PCDHGA11: variants seen among roughly 807,000 people sequenced by gnomAD.
PCDHGA11 encodes protocadherin gamma-A11.
PCDHGA11 carries 39 observed loss-of-function variants against 60.4 expected under a neutral mutation model. The ratio of observed to expected loss-of-function variants is 0.65; its 90% CI spans 0.50 to 0.84. The LOEUF (loss-of-function observed/expected upper bound fraction) is 0.84, where lower values mean the gene tolerates loss of function less well. Ranked by LOEUF, PCDHGA11 falls within the 40% of genes least tolerant of loss-of-function variation. PCDHGA11 has a pLI of 0.00. For missense variants in PCDHGA11, 1,165 were observed against 1,197.7 expected (o/e 0.97, Z 0.40); for synonymous variants, 533 against 510.3 (o/e 1.04, Z -0.60).
rs757410882 is a variant in PCDHGA11 at position 141,421,504 on chromosome 5, C to G, written c.277C>G (p.Arg93Gly). 6.2e-7 allele frequency: 1 copy of G among 1,614,062 alleles called. No homozygotes were observed. The highest frequency in any genetic ancestry group is 1.1e-5 in the South Asian group (1 of 91,088). Residue 93 changes from arginine (R) to glycine (G), a missense_variant, in exon 1 of 4, where the codon CGG becomes GGG. Transcript: ENST00000398587. ...GSLITAGRIDREELCETVSSC... is the reference protein window; with the variant it reads ...GSLITAGRIDGEELCETVSSC... ...CTTGATCACGGCAGGCAGGATAGAC[C>G]GGGAGGAGCTCTGTGAGACGGTGTC...
intron 2 of PCDHGA11, among the ~76,000 whole-genome samples, chr5:141,495,662 C>G (rs545912968): frequency 6.6e-6 from 1 of 152,138 alleles, no homozygotes; most frequent in Admixed American, 6.6e-5. Flanking sequence ...TGATCTGTGC[C>G]GCCCACTGTG....
chr5:141,476,233 G>A lies in PCDHGA11; in HGVS notation c.2434-18574G>A, dbSNP rs1162067190. ...CGGTCATTCACTATGAGATCCCGGA[G>A]GAAAGAGAGAAGGGTTTCGCTGTGG... On this transcript the variant is annotated intron_variant, in intron 1 of 3. Coordinates refer to ENST00000398587, the MANE Select transcript of PCDHGA11 (RefSeq NM_018914.3). The surrounding 1 kb of genome is among the most constrained non-coding windows in gnomAD (Gnocchi z 7.6). The A allele has an allele frequency of 3.1e-6, 5 of 1,613,996 alleles. No homozygotes were observed. Among genetic ancestry groups the A allele is most frequent in the African/African-American group, 2.7e-5 (2 of 74,894 alleles).
At chr5:141,429,387 T>TTA (rs775632416) in intron 1 of PCDHGA11, among the ~76,000 whole-genome samples, 40 of 151,448 alleles carry the variant, frequency 2.6e-4, no homozygotes, top group African/African-American at 7.0e-4. Context: ...GTTTTTTTTT[T>TTA]AAAAAAAATT....
In PCDHGA11 at chr5:141,489,993, C is replaced by T. The variant is rs1413894892; in HGVS notation, c.2434-4814C>T. 18 of 1,614,186 alleles carry T rather than the reference C, an allele frequency of 1.1e-5. No individual in the cohort carries two copies. The highest frequency in any genetic ancestry group is 1.5e-5 in the Non-Finnish European group (18 of 1,179,990). On this transcript the variant is annotated intron_variant, in intron 1 of 3. Transcript: ENST00000398587. The surrounding 1 kb of genome is among the most constrained non-coding windows in gnomAD (Gnocchi z 4.5). ...AATCCTCAGTTCTACGTGTGGGAAT[C>T]CCAGAGAATGCACCCATTGGTACTC...
At position 141,476,499 on chromosome 5, in the gene PCDHGA11, T is replaced by A. The variant is rs763373223; in HGVS notation, c.2434-18308T>A. On this transcript the variant is annotated intron_variant, in intron 1 of 3. Coordinates refer to ENST00000398587, the MANE Select transcript of PCDHGA11 (RefSeq NM_018914.3). This position sits in a 1 kb window ranked among gnomAD's most constrained non-coding sequence, Gnocchi z 7.6. Reference sequence around the variant, plus strand: ...AGCGTGGAAGTGGTGATCCAGGACATCAACGACAACAATCCTGCTTTCCCT... The same window carrying A: ...AGCGTGGAAGTGGTGATCCAGGACAACAACGACAACAATCCTGCTTTCCCT... 3.1e-6 allele frequency: 5 copies of A among 1,613,992 alleles called. No individual in the cohort carries two copies. The South Asian group carries it at 5.5e-5, about 18-fold the overall frequency.
At position 141,431,245 on chromosome 5, in the gene PCDHGA11, C is replaced by T; in HGVS notation, c.2433+7585C>T. The T allele has an allele frequency of 1.2e-6, 2 of 1,614,134 alleles. No individual in the cohort carries two copies. The highest frequency in any genetic ancestry group is 1.7e-6 in the Non-Finnish European group (2 of 1,180,038). ...TACCCCACGCCTGGGATCCGGATATCGGGAAGAACTCTCTGCAGAGCTACG... is the reference window on the plus strand; with the variant it reads ...TACCCCACGCCTGGGATCCGGATATTGGGAAGAACTCTCTGCAGAGCTACG... On this transcript the variant is annotated intron_variant, in intron 1 of 3. Transcript: ENST00000398587. This position sits in a 1 kb window ranked among gnomAD's most constrained non-coding sequence, Gnocchi z 4.8.
At chr5:141,499,127 A>G (rs1198571084) in intron 2 of PCDHGA11, among the ~76,000 whole-genome samples, 1 of 152,134 alleles carries the variant, frequency 6.6e-6, no homozygotes, top group Non-Finnish European at 1.5e-5. Flanking sequence ...TTCTCAGGTC[A>G]TCCTTTGGGT....
intron 1 of PCDHGA11, among the ~76,000 whole-genome samples, chr5:141,443,654 G>A (rs2098397947): frequency 6.6e-6 from 1 of 152,150 alleles, no homozygotes; most frequent in Non-Finnish European, 1.5e-5. Context: ...TGTTAGCATA[G>A]CATTTTACTG....
intron 2 of PCDHGA11, among the ~76,000 whole-genome samples, chr5:141,495,703 GGAGT>G (rs2099763108): frequency 6.6e-6 from 1 of 152,098 alleles, no homozygotes; most frequent in South Asian, 2.1e-4. Context: ...CAATAAATGT[GGAGT>G]GAGTAACTAC....
In PCDHGA11 at chr5:141,490,963, G is replaced by GC; in HGVS notation, c.2434-3838dup. 6.2e-7 allele frequency: 1 copy of GC among 1,613,760 alleles called. No individual in the cohort carries two copies. On this transcript the variant is annotated intron_variant, in intron 1 of 3. Transcript: ENST00000398587. This position sits in a 1 kb window ranked among gnomAD's most constrained non-coding sequence, Gnocchi z 5.4. ...CCCACGGCCAGACTGGGAACACTCA[G>GC]CCCCCCAGCGTCTCCCTCGCTCTGC...
intron 1 of PCDHGA11, chr5:141,427,102 C>T (rs1363595185): frequency 6.6e-6 from 3 of 457,858 alleles, no homozygotes; most frequent in South Asian, 3.1e-5. Flanking sequence ...GGTGTCAATG[C>T]GGAGATCACC....
chr5:141,458,633 A>C (rs548586597), intron 1 of PCDHGA11, among the ~76,000 whole-genome samples: 12 of 151,884 alleles, frequency 7.9e-5, no homozygotes, highest in Non-Finnish European at 1.5e-4. Flanking sequence ...GCAGTGGCAC[A>C]ATCCCAGCTC....
At chr5:141,427,006 G>C (rs1288837425) in intron 1 of PCDHGA11, 3 of 456,792 alleles carry the variant, frequency 6.6e-6, no homozygotes, top group South Asian at 3.1e-5. Flanking sequence ...CCAGTTTTTA[G>C]CCAGGATGTA....
intron 1 of PCDHGA11, among the ~76,000 whole-genome samples, chr5:141,456,845 C>T (rs1308477735): frequency 6.6e-6 from 1 of 152,092 alleles, no homozygotes; most frequent in African/African-American, 2.4e-5. Context: ...CGCCTGTAAT[C>T]CCAGCTAATT....
intron 1 of PCDHGA11, among the ~76,000 whole-genome samples, chr5:141,470,448 T>C (rs1384666661): frequency 6.6e-6 from 1 of 152,192 alleles, no homozygotes. Flanking sequence ...TTTAATAGCA[T>C]CTTGAATAGG....
At chr5:141,428,448 T>C in intron 1 of PCDHGA11, 12 of 375,612 alleles carry the variant, frequency 3.2e-5, no homozygotes, top group South Asian at 2.4e-4. Flanking sequence ...CAGGGGTTTT[T>C]CCCAACTACA....
At chr5:141,502,815 TTTCC>T in intron 2 of PCDHGA11, among the ~76,000 whole-genome samples, 1 of 151,372 alleles carries the variant, frequency 6.6e-6, no homozygotes, top group East Asian at 1.9e-4. Context: ...TTCACTGTCT[TTTCC>T]TTGGGGAAGC....
intron 1 of PCDHGA11, chr5:141,423,881 G>A (rs2096788712): frequency 7.8e-7 from 1 of 1,281,784 alleles, no homozygotes; most frequent in Non-Finnish European, 9.9e-7. Flanking sequence ...TTCAATCTTG[G>A]CATATTTTCT....
chr5:141,462,009 G>A (rs2099028674), intron 1 of PCDHGA11, among the ~76,000 whole-genome samples: 1 of 152,190 alleles, frequency 6.6e-6, no homozygotes, highest in Admixed American at 6.5e-5. Context: ...TTTTAATAGA[G>A]ACGGGGTTTC....
Sources: allele counts gnomAD v4.1 joint callset (sites outside exome capture counted in the v4.1 genomes callset), GRCh38; gene constraint gnomAD v4.1.1; non-coding constraint Gnocchi (gnomAD v3.1); transcripts MANE v1.5; gene names NCBI Gene and HGNC (gene_info 2026-07-23, HGNC 2026-07-21).